Variants in RAPGEF2 observed in about 807,000 individuals in gnomAD.
RAPGEF2 encodes PDZ domain containing guanine nucleotide exchange factor (GEF) 1.
In RAPGEF2, 54 loss-of-function variants were observed where a neutral mutation model predicts 186.7. The observed-to-expected ratio is 0.29, with a 90% CI of 0.23 to 0.36. The LOEUF is 0.36. RAPGEF2 is among the 10% of genes least tolerant of loss of function. The pLI, the probability that RAPGEF2 is intolerant of heterozygous loss-of-function variation, is 1.00. For missense variants in RAPGEF2, 1,532 were observed against 2,045.0 expected (o/e 0.75, Z 4.84); for synonymous variants, 712 against 705.9 (o/e 1.01, Z -0.14).
intron 1 of RAPGEF2, among the ~76,000 whole-genome samples, chr4:159,132,544 G>T (rs1741224362): frequency 1.3e-5 from 2 of 152,222 alleles, no homozygotes; most frequent in Non-Finnish European, 2.9e-5. Flanking sequence ...AGGACAGAAA[G>T]AGGTAGATGG....
rs556376341 is a variant in RAPGEF2 at position 159,272,843 on chromosome 4, T to G, written c.543+29052T>G. 2.0e-5 allele frequency among the ~76,000 whole-genome samples: 3 copies of G among 152,312 alleles called. No individual in the cohort carries two copies. The South Asian group carries it at 6.2e-4, about 32-fold the overall frequency. On this transcript the variant is annotated intron_variant, in intron 7 of 29. Transcript: ENST00000691494. ...GGAGGATGTTAGAATACCAGATAAATTAATGACTATTTTGAAGATGCAGCA... is the reference window on the plus strand; with the variant it reads ...GGAGGATGTTAGAATACCAGATAAAGTAATGACTATTTTGAAGATGCAGCA...
intron 1 of RAPGEF2, among the ~76,000 whole-genome samples, chr4:159,127,122 G>A (rs755517867): frequency 1.6e-4 from 25 of 152,152 alleles, no homozygotes; most frequent in Non-Finnish European, 3.1e-4. Context: ...CGCCTCCTGG[G>A]TTCAAGCGAT....
chr4:159,186,300 G>A (rs889644634), intron 1 of RAPGEF2, among the ~76,000 whole-genome samples: 1 of 151,690 alleles, frequency 6.6e-6, no homozygotes, highest in Non-Finnish European at 1.5e-5. Flanking sequence ...ATTTAACTAT[G>A]GTATTGACAA....
intron 7 of RAPGEF2, among the ~76,000 whole-genome samples, chr4:159,280,403 T>TGA (rs1470000183): frequency 9.9e-5 from 15 of 152,254 alleles, no homozygotes; most frequent in Non-Finnish European, 2.1e-4. Flanking sequence ...TGAAATCCAC[T>TGA]GATGATGGAT....
chr4:159,175,855 C>T (rs1233334745), intron 1 of RAPGEF2, among the ~76,000 whole-genome samples: 2 of 152,234 alleles, frequency 1.3e-5, no homozygotes, highest in Admixed American at 6.5e-5. Context: ...CATACCACCA[C>T]CCCTGCAGGA....
rs1766829652 is a variant in RAPGEF2 at position 159,332,516 on chromosome 4, A to G, written c.1954A>G (p.Ile652Val). Reference sequence around the variant, plus strand: ...AAATGGTGCCCCCCACCTTCCTAAAATTGGTGACATTAAAAAGGCCAGTCG... The same window carrying G: ...AAATGGTGCCCCCCACCTTCCTAAAGTTGGTGACATTAAAAAGGCCAGTCG... ...KRNGAPHLPK[I>V]GDIKKASRYS... Residue 652 changes from isoleucine to valine, a missense_variant, in exon 17 of 30, where the codon ATT becomes GTT. Ile to Val is a conservative substitution (Grantham distance 29). Transcript: ENST00000691494. The G allele has an allele frequency of 6.2e-7, 1 of 1,614,116 alleles. No individual in the cohort carries two copies. Among genetic ancestry groups the G allele is most frequent in the Non-Finnish European group, 8.5e-7 (1 of 1,179,976 alleles).
intron 3 of RAPGEF2, among the ~76,000 whole-genome samples, chr4:159,209,191 CAAA>C (rs146288884): frequency 0.5 from 51,032 of 103,026 alleles, 10,077 homozygotes; most frequent in East Asian, 0.71. Flanking sequence ...CATGCCCAGC[CAAA>C]AAAAAAAAAA....
chr4:159,318,478 G>A (rs1418839086), intron 9 of RAPGEF2, among the ~76,000 whole-genome samples: 2 of 152,230 alleles, frequency 1.3e-5, no homozygotes, highest in Non-Finnish European at 2.9e-5. Context: ...GTGCATGAGT[G>A]TTTAAGGTGA....
chr4:159,219,283 G>T (rs1751278163), intron 4 of RAPGEF2, among the ~76,000 whole-genome samples: 1 of 146,698 alleles, frequency 6.8e-6, no homozygotes, highest in South Asian at 2.2e-4. Context: ...TATATGTATT[G>T]TTCTTTTTAA....
At chr4:159,148,540 C>T (rs535044507) in intron 1 of RAPGEF2, among the ~76,000 whole-genome samples, 1 of 152,108 alleles carries the variant, frequency 6.6e-6, no homozygotes, top group East Asian at 1.9e-4. Flanking sequence ...CCTTTAAATC[C>T]TTTGAAGCAT....
chr4:159,143,512 C>T (rs185400139), intron 1 of RAPGEF2, among the ~76,000 whole-genome samples: 59 of 152,140 alleles, frequency 3.9e-4, no homozygotes, highest in Non-Finnish European at 5.7e-4. Flanking sequence ...AATATTCCAC[C>T]GGGCCCATAA....
intron 4 of RAPGEF2, among the ~76,000 whole-genome samples, chr4:159,231,530 T>C (rs1167881350): frequency 6.6e-6 from 1 of 152,016 alleles, no homozygotes; most frequent in Admixed American, 6.6e-5. Context: ...ACCTCAAATA[T>C]ATGACCATGG....
intron 3 of RAPGEF2, among the ~76,000 whole-genome samples, chr4:159,206,864 A>G (rs936918789): frequency 6.6e-6 from 1 of 152,204 alleles, no homozygotes; most frequent in Non-Finnish European, 1.5e-5. Context: ...AGGAGAGGAG[A>G]GGGGTTTTTC....
chr4:159,273,131 T>C (rs1210323909), intron 7 of RAPGEF2, among the ~76,000 whole-genome samples: 1 of 152,238 alleles, frequency 6.6e-6, no homozygotes, highest in Non-Finnish European at 1.5e-5. Flanking sequence ...GATCTTTATT[T>C]TGTCTGTTAT....
At chr4:159,351,951 A>T (rs142212674) in intron 26 of RAPGEF2, among the ~76,000 whole-genome samples, 1,942 of 152,350 alleles carry the variant, frequency 0.013, 36 homozygotes, top group African/African-American at 0.043. Context: ...ACTCCGTCTC[A>T]AAAACAAAAA....
chr4:159,273,587 T>C (rs1166764104), intron 7 of RAPGEF2, among the ~76,000 whole-genome samples: 1 of 152,212 alleles, frequency 6.6e-6, no homozygotes, highest in Non-Finnish European at 1.5e-5. Flanking sequence ...ATTCAGTTAT[T>C]CTCCTTTAAC....
intron 26 of RAPGEF2, chr4:159,350,978 C>T: frequency 1.4e-6 from 2 of 1,389,306 alleles, no homozygotes; most frequent in Non-Finnish European, 2.0e-6. Flanking sequence ...TTTCAGACAT[C>T]TGTGCATTTT....
At chr4:159,220,066 T>A (rs10026075) in intron 4 of RAPGEF2, among the ~76,000 whole-genome samples, 44,405 of 152,006 alleles carry the variant, frequency 0.29, 6,647 homozygotes, top group African/African-American at 0.3. Context: ...ATTTAGCAAC[T>A]TGGGAGTCCT....
intron 1 of RAPGEF2, among the ~76,000 whole-genome samples, chr4:159,135,035 CT>C (rs553423812): frequency 2.6e-5 from 4 of 152,184 alleles, no homozygotes; most frequent in African/African-American, 9.6e-5. Flanking sequence ...CAGTTCATTT[CT>C]TTAATTTTTT....
Sources: gnomAD v4.1 joint callset for allele counts (sites outside exome capture counted in the v4.1 genomes callset) on GRCh38, gnomAD v4.1.1 for gene constraint, MANE v1.5 for transcripts, NCBI Gene and HGNC (gene_info 2026-07-23, HGNC 2026-07-21) for gene names.